Variants in NSMCE2 observed in about 807,000 individuals in gnomAD.
NSMCE2 encodes E3 SUMO-protein ligase NSE2.
Under a neutral mutation model 23.8 loss-of-function variants are expected in NSMCE2, and 24 were observed. That is an observed-to-expected ratio of 1.01 (90% CI 0.73 to 1.42). The LOEUF (loss-of-function observed/expected upper bound fraction) is 1.42, where lower values mean the gene tolerates loss of function less well. Among genes scored for constraint, NSMCE2 ranks in the 40% most tolerant of loss-of-function variants. The pLI, the probability that NSMCE2 is intolerant of heterozygous loss-of-function variation, is 0.00. For missense variants in NSMCE2, 284 were observed against 296.5 expected (o/e 0.96, Z 0.31); for synonymous variants, 92 against 94.1 (o/e 0.98, Z 0.13).
chr8:125,130,190 T>C (rs976632929), intron 3 of NSMCE2: 21 of 455,522 alleles, frequency 4.6e-5, no homozygotes, highest in East Asian at 3.5e-4. Context: ...TGATGTCTTA[T>C]TATGATTAGA....
At chr8:125,221,017 C>T (rs1824832645) in intron 5 of NSMCE2, among the ~76,000 whole-genome samples, 1 of 152,178 alleles carries the variant, frequency 6.6e-6, no homozygotes, top group Non-Finnish European at 1.5e-5. Context: ...CACCCTTCCT[C>T]AGAGCTAGAA....
At chr8:125,126,094 G>A (rs956675308) in intron 3 of NSMCE2, among the ~76,000 whole-genome samples, 1 of 152,110 alleles carries the variant, frequency 6.6e-6, no homozygotes, top group African/African-American at 2.4e-5. Flanking sequence ...TAAAAGGGCA[G>A]TTAGTCATCC....
chr8:125,144,500 C>T (rs983228575), intron 3 of NSMCE2, among the ~76,000 whole-genome samples: 9 of 152,160 alleles, frequency 5.9e-5, no homozygotes, highest in African/African-American at 1.9e-4. Context: ...CTGGAACTGG[C>T]GCCGGATAAG....
At chr8:125,123,119 A>T (rs1226871627) in intron 3 of NSMCE2, among the ~76,000 whole-genome samples, 1 of 151,756 alleles carries the variant, frequency 6.6e-6, no homozygotes, top group Non-Finnish European at 1.5e-5. Context: ...GGTTCTTGCA[A>T]ATATATATAT....
At chr8:125,107,360 A>T (rs1818514785) in intron 3 of NSMCE2, among the ~76,000 whole-genome samples, 1 of 151,818 alleles carries the variant, frequency 6.6e-6, no homozygotes, top group Non-Finnish European at 1.5e-5. Flanking sequence ...TGCCCGGCTA[A>T]TTTTTGTATC....
At chr8:125,248,521 TGCATGCCTGTAGTCCCA>T (rs1281609470) in intron 5 of NSMCE2, among the ~76,000 whole-genome samples, 1 of 151,896 alleles carries the variant, frequency 6.6e-6, no homozygotes, top group Non-Finnish European at 1.5e-5. Flanking sequence ...GGCATGGTGG[TGCATGCCTGTAGTCCCA>T]GCTACTTGGG....
chr8:125,212,546 G>A (rs1824392438), intron 5 of NSMCE2, among the ~76,000 whole-genome samples: 1 of 152,166 alleles, frequency 6.6e-6, no homozygotes. Context: ...AGGTTTGAGT[G>A]GAGGGTTCAG....
chr8:125,292,349 G>A (rs576010736), intron 5 of NSMCE2, among the ~76,000 whole-genome samples: 25 of 152,202 alleles, frequency 1.6e-4, no homozygotes, highest in Admixed American at 7.2e-4. Flanking sequence ...GAGGTCAGGA[G>A]TTCAAGACCA....
At chr8:125,357,872 G>C in intron 7 of NSMCE2, 54 bp downstream of exon 7, 4 of 1,269,118 alleles carry the variant, frequency 3.2e-6, no homozygotes, top group Non-Finnish European at 4.6e-6. Context: ...GTTACTCAGA[G>C]GTGGCGTGTT....
intron 5 of NSMCE2, among the ~76,000 whole-genome samples, chr8:125,266,388 A>G (rs1022572419): frequency 7.2e-5 from 11 of 152,242 alleles, no homozygotes; most frequent in African/African-American, 2.4e-4. Context: ...CATGTCTTAT[A>G]AAGTCAGAAT....
intron 4 of NSMCE2, among the ~76,000 whole-genome samples, chr8:125,157,145 G>A (rs963308716): frequency 5.9e-5 from 9 of 152,118 alleles, no homozygotes; most frequent in Non-Finnish European, 1.2e-4. Context: ...GGGGAAATTC[G>A]TTCGGTGGCT....
At chr8:125,277,498 C>A (rs1827502523) in intron 5 of NSMCE2, among the ~76,000 whole-genome samples, 1 of 151,548 alleles carries the variant, frequency 6.6e-6, no homozygotes, top group Non-Finnish European at 1.5e-5. Context: ...AATTTGTCAT[C>A]TTCTTCTTCT....
intron 4 of NSMCE2, chr8:125,155,871 A>T (rs142557393): frequency 2.4e-6 from 1 of 423,470 alleles, no homozygotes; most frequent in Non-Finnish European, 4.7e-6. Flanking sequence ...TAGTCCTTGC[A>T]ATGTTTTTCT....
At chr8:125,283,376 CGCATATACAAAAATTA>C (rs1326107854) in intron 5 of NSMCE2, among the ~76,000 whole-genome samples, 1 of 152,020 alleles carries the variant, frequency 6.6e-6, no homozygotes, top group African/African-American at 2.4e-5. Context: ...GACGAAACCC[CGCATATACAAAAATTA>C]GCTGCTCATG....
At chr8:125,115,996 C>A (rs1818990527) in intron 3 of NSMCE2, among the ~76,000 whole-genome samples, 1 of 152,206 alleles carries the variant, frequency 6.6e-6, no homozygotes, top group Non-Finnish European at 1.5e-5. Flanking sequence ...AAGGCACACA[C>A]CCAAGTTGCA....
chr8:125,313,184 GAGAA>G (rs1483785449), intron 5 of NSMCE2, among the ~76,000 whole-genome samples: 77 of 141,232 alleles, frequency 5.5e-4, no homozygotes, highest in African/African-American at 1.3e-3. Context: ...AAGAAGGAAG[GAGAA>G]AGAAAGAGAG....
chr8:125,323,291 T>C lies in NSMCE2; in HGVS notation c.419-33928T>C, dbSNP rs539340634. Among the ~76,000 whole-genome samples the C allele has an allele frequency of 9.2e-5, 14 of 152,302 alleles. No individual in the cohort carries two copies. In the South Asian group the frequency reaches 2.5e-3, roughly 27 times the overall value. On this transcript the variant is annotated intron_variant, in intron 5 of 7. Coordinates refer to ENST00000287437, the MANE Select transcript of NSMCE2 (RefSeq NM_173685.4). ...CCAGCAGGGGTTTTTTTGTAGATAT[T>C]GACGAGATTATTCTGAAATTCCTAT...
At chr8:125,252,440 G>A (rs917046779) in intron 5 of NSMCE2, among the ~76,000 whole-genome samples, 2 of 152,150 alleles carry the variant, frequency 1.3e-5, no homozygotes, top group African/African-American at 4.8e-5. Context: ...ACAGGAGAAT[G>A]GCGTGAACCC....
rs1387354813 is a variant in NSMCE2 at position 125,110,759 on chromosome 8, G to GTTTTTTTTTTTT, written c.157+8274_157+8275insTTTTTTTTTTTT. ...TTTTGCTTAGATAATTTTGGTTGTT[G>GTTTTTTTTTTTT]TTGTTTTTTTTTTTTTTTTTTTTTT... On this transcript the variant is annotated intron_variant, in intron 3 of 7. Coordinates refer to ENST00000287437, the MANE Select transcript of NSMCE2 (RefSeq NM_173685.4). 1.0e-4 allele frequency among the ~76,000 whole-genome samples: 6 copies of GTTTTTTTTTTTT among 58,110 alleles called. 1 individual carries two copies. Among genetic ancestry groups the GTTTTTTTTTTTT allele is most frequent in the African/African-American group, 4.4e-4 (6 of 13,738 alleles). The allele number at this position is 58,110 out of a possible 152,430, so 38.1% of individuals were successfully genotyped here.
Sources: gnomAD v4.1 joint callset for allele counts (sites outside exome capture counted in the v4.1 genomes callset) on GRCh38, gnomAD v4.1.1 for gene constraint, MANE v1.5 for transcripts, NCBI Gene and HGNC (gene_info 2026-07-23, HGNC 2026-07-21) for gene names.